LIG1: variants seen among roughly 807,000 people sequenced by gnomAD.
The protein encoded by LIG1 is ligase I, DNA, ATP-dependent.
Under a neutral mutation model 115.7 loss-of-function variants are expected in LIG1, and 70 were observed. The observed-to-expected ratio is 0.60, with a 90% CI of 0.50 to 0.74. The LOEUF (loss-of-function observed/expected upper bound fraction) is 0.74. Among genes scored for constraint, LIG1 ranks in the 30% least tolerant of loss-of-function variants. LIG1 has a pLI of 0.00. For synonymous variants in LIG1, 487 were observed against 495.3 expected (o/e 0.98, Z 0.22); for missense variants, 1,115 against 1,225.6 (o/e 0.91, Z 1.35).
chr19:48,141,332 G>A lies in LIG1; in HGVS notation c.915-1189C>T, dbSNP rs982219026. Among the ~76,000 whole-genome samples the A allele has an allele frequency of 9.9e-5, 15 of 152,180 alleles. No individual in the cohort carries two copies. The South Asian group carries it at 1.5e-3, about 15-fold the overall frequency. ...TTTTTAGTAGAGACGGGGTTTCAAC[G>A]TGTTGGTCAGGCTGGTCTCGAACTC... On this transcript the variant is annotated intron_variant, in intron 11 of 27. Coordinates refer to ENST00000263274, the MANE Select transcript of LIG1 (RefSeq NM_000234.3).
intron 9 of LIG1, among the ~76,000 whole-genome samples, chr19:48,144,937 A>G (rs749771051): frequency 3.9e-5 from 6 of 151,904 alleles, no homozygotes; most frequent in Non-Finnish European, 1.5e-5. Context: ...TTTTTGAGAC[A>G]GGGTCTCACT....
intron 19 of LIG1, among the ~76,000 whole-genome samples, chr19:48,128,271 C>G (rs1333045339): frequency 6.6e-6 from 1 of 152,096 alleles, no homozygotes. Flanking sequence ...CTCCTGTCAC[C>G]CACATTCAGT....
At chr19:48,165,706 AAAG>A (rs1213532460) in intron 1 of LIG1, 83 bp from the exon 2 acceptor site, 14 of 985,938 alleles carry the variant, frequency 1.4e-5, no homozygotes, top group Non-Finnish European at 1.8e-5. Flanking sequence ...TTTAAGAAAG[AAAG>A]AAAAAAAAAA....
intron 16 of LIG1, 45 bp downstream of exon 16, chr19:48,135,633 ACT>A: frequency 4.3e-6 from 6 of 1,392,260 alleles, no homozygotes; most frequent in Non-Finnish European, 6.1e-6. Flanking sequence ...CCACCCTGGC[ACT>A]CTGCCCACAG....
rs2033401297 is a variant in LIG1, at chr19:48,123,003, C to T, written c.2163G>A (p.Gly721=). Residue 721 remains glycine, a synonymous_variant, in exon 23 of 28, where the codon GGG becomes GGA. Coordinates refer to ENST00000263274, the MANE Select transcript of LIG1 (RefSeq NM_000234.3). ...LEQSVKDSCE[G]LMVKTLDVDA... Reference sequence around the variant, plus strand: ...CAACATCCAGGGTCTTCACCATCAGCCCCTCGCAGGAGTCTGAGGGAGACA... The same window carrying T: ...CAACATCCAGGGTCTTCACCATCAGTCCCTCGCAGGAGTCTGAGGGAGACA... 6.2e-7 allele frequency: 1 copy of T among 1,613,614 alleles called. No individual in the cohort carries two copies. The highest frequency in any genetic ancestry group is 1.3e-5 in the African/African-American group (1 of 74,786).
Position 48,115,729 on chromosome 19 carries a change from C to T in LIG1, c.2680G>A (p.Ala894Thr). Reference protein sequence around the residue: ...PEQATTSAQVACLYRKQSQIQ... With the variant: ...PEQATTSAQVTCLYRKQSQIQ... ...TGACTTTGCTTCCGGTACAAACAGG[C>T]CACCTGCGGAGAGAGGGTGGGACGG... Residue 894 changes from alanine (A) to threonine (T), a missense_variant, in exon 28 of 28, where the codon GCC becomes ACC. Ala to Thr is a moderately conservative substitution (Grantham distance 58). Transcript: ENST00000263274. The T allele has an allele frequency of 6.2e-7, 1 of 1,613,682 alleles. No homozygotes were observed. Among genetic ancestry groups the T allele is most frequent in the Non-Finnish European group, 8.5e-7 (1 of 1,179,564 alleles).
chr19:48,120,620 G>C, intron 24 of LIG1: 4 of 921,864 alleles, frequency 4.3e-6, no homozygotes, highest in Non-Finnish European at 5.2e-6. Flanking sequence ...TGCAGCTAGG[G>C]GTGAGCCATG....
At chr19:48,154,274 T>C in intron 5 of LIG1, 1 of 378,456 alleles carries the variant, frequency 2.6e-6, no homozygotes, top group Non-Finnish European at 5.1e-6. Flanking sequence ...GCAGGTCCCC[T>C]GAGCTCCCCA....
chr19:48,136,145 G>A lies in LIG1; in HGVS notation c.1332-20C>T, dbSNP rs1481176814. 3 of 1,548,502 alleles carry A rather than the reference G, an allele frequency of 1.9e-6. No individual in the cohort carries two copies. Among genetic ancestry groups the A allele is most frequent in the East Asian group, 2.4e-5 (1 of 41,432 alleles). On this transcript the variant is annotated intron_variant, in intron 14 of 27. Transcript: ENST00000263274. ...AGGGACCTGGGGAGAGAGCAGGCCA[G>A]GGAAGGGGGCTTGTCTGCACCTCCC...
rs941189567 is a variant in LIG1 at position 48,162,460 on chromosome 19, G to GT, written c.18-110dup. ...TTTTTTTTTTTTTTTTTGAGACAGA[G>GT]TCTCGCTCTGTAGCCCAGGCTGGAG... On this transcript the variant is annotated intron_variant, in intron 2 of 27. Coordinates refer to ENST00000263274, the MANE Select transcript of LIG1 (RefSeq NM_000234.3). 62 of 762,116 alleles carry GT rather than the reference G, an allele frequency of 8.1e-5. No individual in the cohort carries two copies. The African/African-American group carries it at 9.8e-4, about 12-fold the overall frequency. The allele number at this position is 762,116 out of a possible 1,614,324, so 47.2% of individuals were successfully genotyped here. A position where few individuals can be genotyped will look rare whatever the true frequency, so the allele number is the denominator to read the frequency against.
intron 5 of LIG1, among the ~76,000 whole-genome samples, chr19:48,156,481 A>G (rs274861): frequency 0.64 from 97,783 of 152,074 alleles, 32,944 homozygotes; most frequent in East Asian, 0.87. Flanking sequence ...GGTAGGTGCT[A>G]TCATTATCAT....
chr19:48,164,803 C>T (rs1033629307), intron 2 of LIG1, among the ~76,000 whole-genome samples: 2 of 152,346 alleles, frequency 1.3e-5, no homozygotes, highest in Admixed American at 6.5e-5. Flanking sequence ...TGCATTAACA[C>T]GAGGTTTCTC....
Position 48,157,104 on chromosome 19 carries a change from G to T in LIG1, c.280C>A (p.Arg94Ser). ...TTGTTCTCAGGAGATGTGGCAGGAC[G>T]GGGCGGGGAGACCTGTGAGCAGTCC... Reference protein sequence around the residue: ...ALDCSQVSPPRPATSPENNAS... With the variant: ...ALDCSQVSPPSPATSPENNAS... The change falls in exon 5 of 28, where the codon CGT becomes AGT. Residue 94 changes from arginine to serine, a missense_variant. Arg to Ser is a moderately radical substitution (Grantham distance 110). Coordinates refer to ENST00000263274, the MANE Select transcript of LIG1 (RefSeq NM_000234.3). 6.2e-7 allele frequency: 1 copy of T among 1,613,554 alleles called. No homozygotes were observed.
chr19:48,130,846 G>A (rs999790560), intron 19 of LIG1, among the ~76,000 whole-genome samples: 2 of 152,230 alleles, frequency 1.3e-5, no homozygotes, highest in Admixed American at 6.5e-5. Flanking sequence ...GGTTCAGGGG[G>A]ACATCAGTGC....
chr19:48,120,006 A>G (rs1041974848), intron 24 of LIG1, among the ~76,000 whole-genome samples: 1 of 152,254 alleles, frequency 6.6e-6, no homozygotes, highest in African/African-American at 2.4e-5. Context: ...AGTCTTAAGG[A>G]TTCTTTTTGC....
intron 7 of LIG1, among the ~76,000 whole-genome samples, chr19:48,150,439 T>G (rs2035399401): frequency 6.6e-6 from 1 of 152,016 alleles, no homozygotes; most frequent in Non-Finnish European, 1.5e-5. Context: ...TTAGGAATAG[T>G]GGTAAAAAGA....
intron 6 of LIG1, 85 bp from the exon 7 acceptor site, chr19:48,151,424 A>G: frequency 1.2e-6 from 1 of 836,498 alleles, no homozygotes; most frequent in Non-Finnish European, 2.1e-6. Context: ...GTCTGCCCTC[A>G]TCTGTCATCT....
chr19:48,116,808 G>A (rs780151824), intron 26 of LIG1, among the ~76,000 whole-genome samples: 3 of 152,162 alleles, frequency 2.0e-5, no homozygotes, highest in Admixed American at 6.5e-5. Flanking sequence ...GCTGTCTAAC[G>A]TGCAGCATGG....
At position 48,131,007 on chromosome 19, in the gene LIG1, A is replaced by T. The variant is rs56073952; in HGVS notation, c.1821+69T>A. 2.8e-3 allele frequency: 3,598 copies of T among 1,270,850 alleles called. 66 individuals carry two copies. The African/African-American group carries it at 0.045, about 16-fold the overall frequency. The allele number at this position is 1,270,850 out of a possible 1,614,324, so 78.7% of individuals were successfully genotyped here. A position where few individuals can be genotyped will look rare whatever the true frequency, so the allele number is the denominator to read the frequency against. On this transcript the variant is annotated intron_variant, in intron 19 of 27. Coordinates refer to ENST00000263274, the MANE Select transcript of LIG1 (RefSeq NM_000234.3). ...CCCGCACTGTGCCACACTGGCCTAG[A>T]TGGGCCTCAGGCCTTTGCACCCCTG...
Sources: gnomAD v4.1 joint callset for allele counts (sites outside exome capture counted in the v4.1 genomes callset) on GRCh38, gnomAD v4.1.1 for gene constraint, MANE v1.5 for transcripts, NCBI Gene and HGNC (gene_info 2026-07-23, HGNC 2026-07-21) for gene names.